PCBP2: variants seen among roughly 807,000 people sequenced by gnomAD.
PCBP2 encodes poly(rC) binding protein 2, also known as poly(rC)-binding protein 2.
PCBP2 carries 4 observed loss-of-function variants against 50.1 expected under a neutral mutation model. That is an observed-to-expected ratio of 0.08 (90% CI 0.04 to 0.18). PCBP2 has a LOEUF of 0.18. PCBP2 is among the 10% of genes least tolerant of loss of function. The pLI, the probability that PCBP2 is intolerant of heterozygous loss-of-function variation, is 1.00. For synonymous variants in PCBP2, 179 were observed against 168.0 expected (o/e 1.07, Z -0.51); for missense variants, 161 against 474.3 (o/e 0.34, Z 6.14).
At position 53,462,486 on chromosome 12, in the gene PCBP2, C is replaced by G; in HGVS notation, c.505-7C>G. ...TTTTGTTTTTTTCCCCTCTGACTCT[C>G]TCCCAGTCCCCCCCGAAGGGCGTGA... On this transcript the variant is annotated splice_region_variant and splice_polypyrimidine_tract_variant and intron_variant, in intron 7 of 14. Coordinates refer to ENST00000546463, the MANE Select transcript of PCBP2 (RefSeq NM_031989.5). 6.2e-7 allele frequency: 1 copy of G among 1,609,158 alleles called. No individual in the cohort carries two copies. Among genetic ancestry groups the G allele is most frequent in the Non-Finnish European group, 8.5e-7 (1 of 1,176,552 alleles).
At position 53,459,398 on chromosome 12, in the gene PCBP2, C is replaced by A. The variant is rs768034832; in HGVS notation, c.370C>A (p.Arg124=). 6 of 1,610,578 alleles carry A rather than the reference C, an allele frequency of 3.7e-6. No homozygotes were observed. Among genetic ancestry groups the A allele is most frequent in the South Asian group, 2.2e-5 (2 of 90,832 alleles). Residue 124 remains arginine, a synonymous_variant, in exon 6 of 15, where the codon CGA becomes AGA. Transcript: ENST00000546463. ...AGGTGGATGCAAGATCAAGGAAATA[C>A]GAGAGGTTAGTGACTTTTGTCGTCC... ...GKGGCKIKEI[R]ESTGAQVQVA... is the part of the protein sequence containing the mutation.
rs755663314 is a variant in PCBP2, at chr12:53,461,118, A to G, written c.479A>G (p.Lys160Arg). The G allele has an allele frequency of 3.7e-6, 6 of 1,613,978 alleles. No homozygotes were observed. The highest frequency in any genetic ancestry group is 2.2e-5 in the East Asian group (1 of 44,894). Residue 160 changes from lysine to arginine, a missense_variant, in exon 7 of 15, where the codon AAA becomes AGA. By Grantham distance (26) the Lys-to-Arg change is conservative. Transcript: ENST00000546463. ...GIPQSIIECV[K>R]QICVVMLESP... Reference sequence around the variant, plus strand: ...CCACAATCCATCATTGAGTGTGTCAAACAGATCTGCGTGGTCATGTTGGAG... The same window carrying G: ...CCACAATCCATCATTGAGTGTGTCAGACAGATCTGCGTGGTCATGTTGGAG...
chr12:53,461,243 A>C (rs1470723514), intron 7 of PCBP2, 100 bp downstream of exon 7: 1 of 1,361,890 alleles, frequency 7.3e-7, no homozygotes, highest in Non-Finnish European at 1.0e-6. Flanking sequence ...GAGGCTGTTA[A>C]GGCTTCCAGT....
chr12:53,454,799 A>T lies in PCBP2; in HGVS notation c.-2A>T. Reference sequence around the variant, plus strand: ...GTCCAGCTCCCCAGAACACTGCTCGACATGGACACCGGTGTGATTGAAGGT... The same window carrying T: ...GTCCAGCTCCCCAGAACACTGCTCGTCATGGACACCGGTGTGATTGAAGGT... On this transcript the variant is annotated 5_prime_UTR_variant, in exon 2 of 15. Coordinates refer to ENST00000546463, the MANE Select transcript of PCBP2 (RefSeq NM_031989.5). 6.2e-7 allele frequency: 1 copy of T among 1,614,054 alleles called. No individual in the cohort carries two copies. Among genetic ancestry groups the T allele is most frequent in the South Asian group, 1.1e-5 (1 of 91,082 alleles).
At chr12:53,464,217 C>T (rs1215286064) in intron 8 of PCBP2, among the ~76,000 whole-genome samples, 1 of 152,080 alleles carries the variant, frequency 6.6e-6, no homozygotes, top group East Asian at 1.9e-4. Flanking sequence ...TACTGGGTGG[C>T]AGCAATCCTC....
At chr12:53,465,726 C>T (rs1370487533) in intron 9 of PCBP2, among the ~76,000 whole-genome samples, 1 of 152,046 alleles carries the variant, frequency 6.6e-6, no homozygotes, top group Non-Finnish European at 1.5e-5. Context: ...TATAGGATTC[C>T]CCGGAACAAA....
At position 53,481,122 on chromosome 12, in the gene PCBP2, TA is replaced by T; in HGVS notation, c.*1681del. 1.6e-6 allele frequency: 1 copy of T among 612,050 alleles called. No homozygotes were observed. The allele number at this position is 612,050 out of a possible 1,614,324, so 37.9% of individuals were successfully genotyped here. A position where few individuals can be genotyped will look rare whatever the true frequency, so the allele number is the denominator to read the frequency against. On this transcript the variant is annotated 3_prime_UTR_variant, in exon 15 of 15. Transcript: ENST00000546463. ...ATTATGTGGCGCATATATATATATA[TA>T]TGTATATATATATAATTTATATAAA... is the stretch of plus-strand genomic sequence containing the variant.
At chr12:53,456,049 A>G (rs768458526) in intron 5 of PCBP2, 48 bp downstream of exon 5, 3 of 1,146,978 alleles carry the variant, frequency 2.6e-6, no homozygotes, top group African/African-American at 3.0e-5. Context: ...GTGCTTCCAG[A>G]GAGCTTGTTG....
chr12:53,454,147 A>G (rs1388812611), intron 1 of PCBP2, among the ~76,000 whole-genome samples: 1 of 152,204 alleles, frequency 6.6e-6, no homozygotes, highest in Non-Finnish European at 1.5e-5. Context: ...AAGGCATCTC[A>G]GATAATGCCT....
intron 13 of PCBP2, among the ~76,000 whole-genome samples, chr12:53,471,112 T>C (rs1038287556): frequency 1.3e-5 from 2 of 151,982 alleles, no homozygotes; most frequent in African/African-American, 4.8e-5. Context: ...GTTGAGTTTT[T>C]TGATCAAAAG....
intron 10 of PCBP2, among the ~76,000 whole-genome samples, chr12:53,466,770 T>C (rs1183685448): frequency 6.6e-6 from 1 of 152,108 alleles, no homozygotes; most frequent in Non-Finnish European, 1.5e-5. Context: ...TTCACCTCTC[T>C]CCTCCTTGCA....
intron 9 of PCBP2, 137 bp from the exon 10 acceptor site, chr12:53,465,795 T>C: frequency 1.5e-6 from 1 of 686,150 alleles, no homozygotes. Flanking sequence ...TGAGATTCCA[T>C]CTACTGCCTC....
intron 7 of PCBP2, among the ~76,000 whole-genome samples, chr12:53,461,956 G>A (rs900115728): frequency 1.3e-5 from 2 of 151,974 alleles, no homozygotes; most frequent in South Asian, 2.1e-4. Flanking sequence ...CCATCCACCC[G>A]CCTCAGCCTT....
chr12:53,459,308 A>G lies in PCBP2; in HGVS notation c.280A>G (p.Ser94Gly). The G allele has an allele frequency of 6.2e-7, 1 of 1,613,298 alleles. No individual in the cohort carries two copies. The highest frequency in any genetic ancestry group is 8.5e-7 in the Non-Finnish European group (1 of 1,179,480). ...CTCTATGACCAATAGCACAGCTGCC[A>G]GTAGACCCCCGGTCACCCTGAGGCT... The part of the protein sequence containing the change: ...SSSMTNSTAA[S>G]RPPVTLRLVV... Residue 94 changes from serine (S) to glycine (G), a missense_variant, in exon 6 of 15, where the codon AGT (serine) becomes GGT (glycine). Around this residue, in one of 7 missense-constraint regions of PCBP2, gnomAD observed 24 missense variants for 37.1 expected, o/e 0.65. Coordinates refer to ENST00000546463, the MANE Select transcript of PCBP2 (RefSeq NM_031989.5).
chr12:53,455,329 T>C lies in PCBP2; in HGVS notation c.70-18T>C. 6.2e-7 allele frequency: 1 copy of C among 1,611,340 alleles called. No individual in the cohort carries two copies. Among genetic ancestry groups the C allele is most frequent in the Non-Finnish European group, 8.5e-7 (1 of 1,178,110 alleles). On this transcript the variant is annotated intron_variant, in intron 2 of 14. Coordinates refer to ENST00000546463, the MANE Select transcript of PCBP2 (RefSeq NM_031989.5). ...CTTCTGAGTTTCCTCTTACTGACGT[T>C]AGTTTTCTCCATTGCAGGAAGTTGG...
At chr12:53,463,955 T>C (rs943941430) in intron 8 of PCBP2, among the ~76,000 whole-genome samples, 3 of 152,184 alleles carry the variant, frequency 2.0e-5, no homozygotes, top group Non-Finnish European at 4.4e-5. Flanking sequence ...CGTGTAGTTA[T>C]GAGAGGTTTC....
At chr12:53,456,090 A>G (rs745921616) in intron 5 of PCBP2, 89 bp downstream of exon 5, 166 of 810,830 alleles carry the variant, frequency 2.0e-4, no homozygotes, top group Non-Finnish European at 2.3e-4. Flanking sequence ...ATTCAAGGAC[A>G]CACTGGACCT....
At chr12:53,458,531 T>C (rs547431801) in intron 5 of PCBP2, among the ~76,000 whole-genome samples, 1 of 152,036 alleles carries the variant, frequency 6.6e-6, no homozygotes, top group African/African-American at 2.4e-5. Flanking sequence ...GGTCTTGAAC[T>C]GCTGACCTCA....
intron 12 of PCBP2, 42 bp downstream of exon 12, chr12:53,467,885 ATAT>A (rs1464011161): frequency 2.1e-6 from 3 of 1,416,474 alleles, no homozygotes; most frequent in Non-Finnish European, 3.0e-6. Flanking sequence ...TTCTACTGTT[ATAT>A]TAATAAACTG....
Sources: gnomAD v4.1 joint callset for allele counts (sites outside exome capture counted in the v4.1 genomes callset) on GRCh38, gnomAD v4.1.1 for gene constraint, gnomAD v4.1.1 regional missense constraint, MANE v1.5 for transcripts, NCBI Gene and HGNC (gene_info 2026-07-23, HGNC 2026-07-21) for gene names.